Variants in NUP93 observed in about 807,000 individuals in gnomAD.
NUP93 encodes the protein nucleoporin 93.
NUP93 carries 55 observed loss-of-function variants against 107.8 expected under a neutral mutation model. The observed-to-expected ratio is 0.51, with a 90% CI of 0.41 to 0.64. The LOEUF (loss-of-function observed/expected upper bound fraction) is 0.64, where lower values mean the gene tolerates loss of function less well. NUP93 is among the 30% of genes least tolerant of loss of function. NUP93 has a pLI of 0.00. For missense variants in NUP93, 937 were observed against 1,044.7 expected (o/e 0.90, Z 1.42); for synonymous variants, 390 against 397.5 (o/e 0.98, Z 0.22).
At chr16:56,838,657 C>G (rs532048965) in intron 18 of NUP93, among the ~76,000 whole-genome samples, 28 of 152,252 alleles carry the variant, frequency 1.8e-4, no homozygotes, top group African/African-American at 6.5e-4. Flanking sequence ...CCTTGAACTC[C>G]TGGGCTCAAG....
intron 7 of NUP93, among the ~76,000 whole-genome samples, chr16:56,823,391 C>A (rs1177377316): frequency 6.6e-6 from 1 of 152,278 alleles, no homozygotes; most frequent in East Asian, 1.9e-4. Flanking sequence ...GAAGGGATAA[C>A]CCACTGAGAT....
chr16:56,817,545 T>C (rs1963458237), intron 5 of NUP93, among the ~76,000 whole-genome samples: 2 of 152,250 alleles, frequency 1.3e-5, no homozygotes, highest in South Asian at 4.1e-4. Context: ...TCTGCTATGC[T>C]ACAGTACAAA....
At chr16:56,763,659 T>C (rs539054576) in intron 3 of NUP93, among the ~76,000 whole-genome samples, 3 of 152,298 alleles carry the variant, frequency 2.0e-5, no homozygotes, top group African/African-American at 7.2e-5. Context: ...TCCTTAGATA[T>C]CACCTCTTCC....
intron 2 of NUP93, among the ~76,000 whole-genome samples, chr16:56,748,925 C>T (rs751334972): frequency 2.0e-4 from 30 of 152,056 alleles, no homozygotes; most frequent in Non-Finnish European, 3.7e-4. Flanking sequence ...GTCAGTGACC[C>T]GGGAGGCTGC....
At chr16:56,772,945 G>A (rs940021930) in intron 3 of NUP93, among the ~76,000 whole-genome samples, 3 of 152,186 alleles carry the variant, frequency 2.0e-5, no homozygotes, top group African/African-American at 7.2e-5. Context: ...GAAGAGAGAG[G>A]ATCTGAAGGT....
At chr16:56,767,337 G>T (rs1415743327) in intron 3 of NUP93, among the ~76,000 whole-genome samples, 2 of 152,190 alleles carry the variant, frequency 1.3e-5, no homozygotes, top group Non-Finnish European at 2.9e-5. Context: ...CAGCTGCCAA[G>T]AAATTATTCA....
rs9932803 is a variant in NUP93 at position 56,812,644 on chromosome 16, C to G, written c.490-6020C>G. On this transcript the variant is annotated intron_variant, in intron 5 of 21. Transcript: ENST00000308159. ...AGGTGTGAGCCACTGTGTCCGCCCC[C>G]CTAGCAAGTTTTAATAAAGGAAATG... Among the ~76,000 whole-genome samples the G allele has an allele frequency of 4.4e-3, 671 of 152,130 alleles. 2 individuals carry two copies. The highest frequency in any genetic ancestry group is 0.013 in the African/African-American group (535 of 41,500).
chr16:56,742,416 G>T (rs1195605648), intron 1 of NUP93, among the ~76,000 whole-genome samples: 1 of 152,180 alleles, frequency 6.6e-6, no homozygotes, highest in Non-Finnish European at 1.5e-5. Flanking sequence ...ATAATCCAGA[G>T]AAAAATATTT....
At chr16:56,808,680 TAC>T (rs1226182294) in intron 5 of NUP93, among the ~76,000 whole-genome samples, 1 of 136,198 alleles carries the variant, frequency 7.3e-6, no homozygotes, top group Non-Finnish European at 1.5e-5. Context: ...ATATATAAAA[TAC>T]ATATATTTAT....
rs538957726 is a variant in NUP93 at position 56,811,596 on chromosome 16, G to A, written c.489+5964G>A. Among the ~76,000 whole-genome samples the A allele has an allele frequency of 2.1e-3, 313 of 151,788 alleles. 1 individual carries two copies. The highest frequency in any genetic ancestry group is 7.0e-3 in the African/African-American group (291 of 41,394). On this transcript the variant is annotated intron_variant, in intron 5 of 21. Transcript: ENST00000308159. ...CGTGATTCTCGTGCCTCAGCCTCCC[G>A]AATAGCTGGGATTACAGGCATGTGC...
chr16:56,805,560 A>G lies in NUP93; in HGVS notation c.417A>G (p.Gln139=), dbSNP rs1963119078. Residue 139 remains glutamine (Q), a synonymous_variant, in exon 5 of 22, where the codon CAA becomes CAG. Coordinates refer to ENST00000308159, the MANE Select transcript of NUP93 (RefSeq NM_014669.5). ...HRESMLVEWE[Q]VKQRILHTLL... ...AGTCAATGTTGGTTGAGTGGGAGCA[A>G]GTGAAACAGCGAATTCTGCACACAC... 1.9e-6 allele frequency: 3 copies of G among 1,613,978 alleles called. No individual in the cohort carries two copies. Among genetic ancestry groups the G allele is most frequent in the Non-Finnish European group, 2.5e-6 (3 of 1,180,004 alleles).
intron 3 of NUP93, among the ~76,000 whole-genome samples, chr16:56,795,751 A>G (rs894441636): frequency 2.6e-5 from 4 of 151,836 alleles, no homozygotes; most frequent in Admixed American, 1.3e-4. Context: ...GGTTCAAGCA[A>G]TTCTCCTGCC....
chr16:56,804,918 A>T (rs1170049903), intron 4 of NUP93, among the ~76,000 whole-genome samples: 1 of 152,122 alleles, frequency 6.6e-6, no homozygotes, highest in East Asian at 1.9e-4. Context: ...AAAAAAAAAA[A>T]AAAGTTTATA....
intron 5 of NUP93, among the ~76,000 whole-genome samples, chr16:56,807,567 G>C (rs1035314816): frequency 8.5e-5 from 13 of 152,196 alleles, no homozygotes; most frequent in Non-Finnish European, 2.9e-5. Flanking sequence ...TCATTTGGCT[G>C]TAGCTAACTT....
chr16:56,762,660 G>A (rs1962147313), intron 3 of NUP93, among the ~76,000 whole-genome samples: 1 of 152,112 alleles, frequency 6.6e-6, no homozygotes. Flanking sequence ...AATTCCTAGG[G>A]ATGCTGTAAC....
intron 3 of NUP93, chr16:56,783,537 C>A: frequency 1.0e-6 from 1 of 985,392 alleles, no homozygotes; most frequent in Non-Finnish European, 1.2e-6. Flanking sequence ...CTAACACTGA[C>A]CCTGTATGGG....
intron 1 of NUP93, among the ~76,000 whole-genome samples, chr16:56,740,220 C>T (rs1305154513): frequency 1.4e-5 from 2 of 146,306 alleles, no homozygotes; most frequent in Non-Finnish European, 1.5e-5. Context: ...AGGCTCCTCA[C>T]TTCTCAGACG....
rs752924331 is a variant in NUP93, at chr16:56,748,338, C to T, written c.91C>T (p.Arg31Trp). The change falls in exon 2 of 22, where the codon CGG (arginine) becomes TGG (tryptophan). Residue 31 changes from arginine to tryptophan, a missense_variant. Coordinates refer to ENST00000308159, the MANE Select transcript of NUP93 (RefSeq NM_014669.5). ...CATCTCAGAGCTTCCCCATGTGGAACGGAACTTACAGGAGATCCAGCAGGC... is the reference window on the plus strand; with the variant it reads ...CATCTCAGAGCTTCCCCATGTGGAATGGAACTTACAGGAGATCCAGCAGGC... ...EGISELPHVE[R>W]NLQEIQQAGE... is the part of the protein sequence containing the mutation. 12 of 1,614,008 alleles carry T rather than the reference C, an allele frequency of 7.4e-6. No individual in the cohort carries two copies. The highest frequency in any genetic ancestry group is 2.2e-5 in the East Asian group (1 of 44,878).
chr16:56,767,704 C>T (rs2043768022), intron 3 of NUP93, among the ~76,000 whole-genome samples: 1 of 152,182 alleles, frequency 6.6e-6, no homozygotes, highest in African/African-American at 2.4e-5. Context: ...AGTTTTCTCT[C>T]TTCTTCTAGT....
Sources: allele counts gnomAD v4.1 joint callset (sites outside exome capture counted in the v4.1 genomes callset), GRCh38; gene constraint gnomAD v4.1.1; transcripts MANE v1.5; gene names NCBI Gene and HGNC (gene_info 2026-07-23, HGNC 2026-07-21).